The following ERGIC1 variants were observed in gnomAD, a reference collection of about 807,000 sequenced individuals.
ERGIC1 encodes endoplasmic reticulum-golgi intermediate compartment 1.
A neutral mutation model predicts 38.3 loss-of-function variants in ERGIC1; 19 were observed. That is an observed-to-expected ratio of 0.50 (90% CI 0.35 to 0.73). ERGIC1 has a LOEUF of 0.73. ERGIC1 is among the 30% of genes least tolerant of loss of function. ERGIC1 has a pLI of 0.01. For synonymous variants in ERGIC1, 124 were observed against 157.6 expected, an observed-to-expected ratio of 0.79 and a Z score of 1.60; for missense variants, 294 against 389.2, an observed-to-expected ratio of 0.76 and a Z score of 2.06.
At chr5:172,861,644 C>T (rs1167321654) in intron 1 of ERGIC1, among the ~76,000 whole-genome samples, 1 of 152,224 alleles carries the variant, frequency 6.6e-6, no homozygotes, top group Non-Finnish European at 1.5e-5. Flanking sequence ...AGCACTGTGC[C>T]TGACACATAG....
intron 2 of ERGIC1, among the ~76,000 whole-genome samples, chr5:172,889,820 C>A (rs942221075): frequency 6.6e-6 from 1 of 152,190 alleles, no homozygotes; most frequent in South Asian, 2.1e-4. Context: ...AGTTGAGCAT[C>A]CCACATCCAA....
intron 2 of ERGIC1, among the ~76,000 whole-genome samples, chr5:172,892,032 T>TA (rs1193713761): frequency 6.6e-6 from 1 of 151,054 alleles, no homozygotes; most frequent in Non-Finnish European, 1.5e-5. Flanking sequence ...GTAACTTCCC[T>TA]AGAAGAGGAA....
At chr5:172,861,905 C>T (rs1031992544) in intron 1 of ERGIC1, among the ~76,000 whole-genome samples, 1 of 152,158 alleles carries the variant, frequency 6.6e-6, no homozygotes, top group African/African-American at 2.4e-5. Flanking sequence ...CGTAGAAAGA[C>T]ATAGTTTACC....
intron 3 of ERGIC1, among the ~76,000 whole-genome samples, chr5:172,897,289 C>T (rs1334427418): frequency 6.6e-6 from 1 of 151,968 alleles, no homozygotes; most frequent in Non-Finnish European, 1.5e-5. Context: ...ATTAGCTGGG[C>T]GTGGTGGCGG....
At chr5:172,910,995 A>C (rs565212272) in intron 4 of ERGIC1, among the ~76,000 whole-genome samples, 1 of 152,096 alleles carries the variant, frequency 6.6e-6, no homozygotes, top group Non-Finnish European at 1.5e-5. Context: ...GGTTCTTGGG[A>C]GAATCTAATG....
At chr5:172,902,873 G>T (rs541556371) in intron 3 of ERGIC1, among the ~76,000 whole-genome samples, 92 of 152,106 alleles carry the variant, frequency 6.0e-4, no homozygotes, top group African/African-American at 2.2e-3. Context: ...CTATTTAAGT[G>T]CTCTTCAAAA....
chr5:172,835,410 T>C (rs963132115), intron 1 of ERGIC1, among the ~76,000 whole-genome samples: 1 of 152,156 alleles, frequency 6.6e-6, no homozygotes, highest in Non-Finnish European at 1.5e-5. Flanking sequence ...CGCCCTCAGT[T>C]TCACCACCTG....
intron 5 of ERGIC1, chr5:172,915,214 C>G: frequency 1.7e-6 from 1 of 601,824 alleles, no homozygotes; most frequent in Non-Finnish European, 3.0e-6. Flanking sequence ...AATAGTATCA[C>G]GATACCACCC....
At chr5:172,935,407 ACAGGAGG>A in intron 9 of ERGIC1, 97 bp downstream of exon 9, 1 of 1,550,234 alleles carries the variant, frequency 6.5e-7, no homozygotes, top group Non-Finnish European at 8.8e-7. Flanking sequence ...TCTCGCTGAA[ACAGGAGG>A]CAGCCTGCAG....
chr5:172,860,191 G>T (rs867789712), intron 1 of ERGIC1, among the ~76,000 whole-genome samples: 1 of 152,356 alleles, frequency 6.6e-6, no homozygotes, highest in South Asian at 2.1e-4. Context: ...GGTGTGTGAG[G>T]CAGTGCGCTC....
At chr5:172,865,738 T>A (rs1188900913) in intron 1 of ERGIC1, among the ~76,000 whole-genome samples, 2 of 152,248 alleles carry the variant, frequency 1.3e-5, no homozygotes, top group Non-Finnish European at 2.9e-5. Flanking sequence ...GTGTTGGACT[T>A]CTTTCATCCC....
Position 172,897,443 on chromosome 5 carries a change from A to AAG in ERGIC1, c.155+380_155+381dup, listed in dbSNP as rs71579705. Among the ~76,000 whole-genome samples, 63 of 142,452 alleles carry AAG rather than the reference A, an allele frequency of 4.4e-4. 1 individual carries two copies. Among genetic ancestry groups the AAG allele is most frequent in the African/African-American group, 1.1e-3 (42 of 36,962 alleles). 93.5% of individuals were successfully genotyped at this position (142,452 alleles called of 152,430 possible). On this transcript the variant is annotated intron_variant, in intron 3 of 9. Coordinates refer to ENST00000393784, the MANE Select transcript of ERGIC1 (RefSeq NM_001031711.3). ...GACCCTGTTTCAAAAAAAAAAAAAAAAGAGAGAGAGAGGAGTCTTAAAAAG... is the reference window on the plus strand; with the variant it reads ...GACCCTGTTTCAAAAAAAAAAAAAAAAGAGAGAGAGAGAGGAGTCTTAAAAAG...
At chr5:172,943,196 C>T (rs545507693) in intron 9 of ERGIC1, among the ~76,000 whole-genome samples, 1 of 152,276 alleles carries the variant, frequency 6.6e-6, no homozygotes, top group East Asian at 1.9e-4. Flanking sequence ...AGACCCAGCA[C>T]ATAATAGGTG....
chr5:172,883,959 T>G (rs1246327886), intron 1 of ERGIC1, among the ~76,000 whole-genome samples: 3 of 152,098 alleles, frequency 2.0e-5, no homozygotes, highest in Non-Finnish European at 4.4e-5. Flanking sequence ...CCAGCCTGGG[T>G]CACAGTGAGA....
chr5:172,866,418 C>T (rs139972760), intron 1 of ERGIC1, among the ~76,000 whole-genome samples: 76 of 152,330 alleles, frequency 5.0e-4, no homozygotes, highest in Non-Finnish European at 9.6e-4. Context: ...TCCACTGGTG[C>T]CACCTCTTTG....
chr5:172,939,838 T>TG (rs1223247754), intron 9 of ERGIC1, among the ~76,000 whole-genome samples: 1 of 152,120 alleles, frequency 6.6e-6, no homozygotes, highest in African/African-American at 2.4e-5. Context: ...GGGCAGCAGA[T>TG]GTGGGGATGA....
intron 1 of ERGIC1, among the ~76,000 whole-genome samples, chr5:172,853,607 C>T (rs982432332): frequency 2.6e-5 from 4 of 152,204 alleles, no homozygotes; most frequent in Non-Finnish European, 4.4e-5. Context: ...TCCCATCTCC[C>T]CCCGCCCCGG....
Position 172,904,479 on chromosome 5 carries a change from G to A in ERGIC1, c.156-5188G>A, listed in dbSNP as rs150359327. On this transcript the variant is annotated intron_variant, in intron 3 of 9. Coordinates refer to ENST00000393784, the MANE Select transcript of ERGIC1 (RefSeq NM_001031711.3). ...GGTCTCCCAGCTCCTAAGTGGCAGA[G>A]CCAGGAGGTGAGCCCACACCGGTCT... 2.0e-3 allele frequency among the ~76,000 whole-genome samples: 299 copies of A among 152,374 alleles called. 1 individual carries two copies. Among genetic ancestry groups the A allele is most frequent in the African/African-American group, 6.4e-3 (265 of 41,584 alleles).
intron 1 of ERGIC1, among the ~76,000 whole-genome samples, chr5:172,879,126 C>T (rs890364287): frequency 1.1e-4 from 16 of 152,302 alleles, no homozygotes; most frequent in Admixed American, 7.8e-4. Context: ...CAGAGTGATC[C>T]GAGATTCGTC....
Sources: allele counts gnomAD v4.1 joint callset (sites outside exome capture counted in the v4.1 genomes callset), GRCh38; gene constraint gnomAD v4.1.1; transcripts MANE v1.5; gene names NCBI Gene and HGNC (gene_info 2026-07-23, HGNC 2026-07-21).